Variants in ZNF763 observed in about 807,000 individuals in gnomAD.
The protein encoded by ZNF763 is DNA-binding protein.
ZNF763 carries 33 observed loss-of-function variants against 38.0 expected under a neutral mutation model. The observed-to-expected ratio is 0.87, with a 90% confidence interval of 0.66 to 1.16. The LOEUF (loss-of-function observed/expected upper bound fraction) is 1.16, where lower values mean the gene tolerates loss of function less well. Among genes scored for constraint, ZNF763 ranks in the 50% most tolerant of loss-of-function variants. The pLI, the probability that ZNF763 is intolerant of heterozygous loss-of-function variation, is 0.00. For missense variants in ZNF763, 423 were observed against 469.1 expected (o/e 0.90, Z 0.91); for synonymous variants, 155 against 160.1 (o/e 0.97, Z 0.24).
chr19:11,979,842 G>A lies in ZNF763; in HGVS notation c.*733G>A, dbSNP rs574077940. ...GCCTTCAGATCTGCCAAGAACCTTC[G>A]AATTCATGAAAGGACACAAACACAC... On this transcript the variant is annotated 3_prime_UTR_variant, in exon 4 of 4. Coordinates refer to ENST00000358987, the MANE Select transcript of ZNF763 (RefSeq NM_001367172.2). The A allele has an allele frequency of 1.9e-5, 29 of 1,531,004 alleles. No individual in the cohort carries two copies. The highest frequency in any genetic ancestry group is 2.3e-5 in the East Asian group (1 of 43,982). The allele number at this position is 1,531,004 out of a possible 1,614,324, so 94.8% of individuals were successfully genotyped here.
At chr19:11,966,923 G>A (rs546670138) in intron 1 of ZNF763, among the ~76,000 whole-genome samples, 1 of 152,258 alleles carries the variant, frequency 6.6e-6, no homozygotes, top group East Asian at 1.9e-4. Context: ...TGGAAGTTAA[G>A]TTCTGGCTTT....
intron 1 of ZNF763, among the ~76,000 whole-genome samples, chr19:11,967,762 T>C (rs1300729670): frequency 6.6e-5 from 10 of 151,828 alleles, no homozygotes; most frequent in African/African-American, 2.4e-4. Flanking sequence ...TGTTACAGAG[T>C]AGGGCATCCT....
chr19:11,970,173 G>A (rs1425939550), intron 1 of ZNF763, among the ~76,000 whole-genome samples: 2 of 152,158 alleles, frequency 1.3e-5, no homozygotes, highest in Non-Finnish European at 2.9e-5. Flanking sequence ...TCTGCCAATC[G>A]GATGTTGCTA....
rs754874330 is a variant in ZNF763, at chr19:11,978,459, A to T, written c.535A>T (p.Lys179Ter). Reference sequence around the variant, plus strand: ...ACCCTATGCTTGTAAAGAATGTGGAAAAACCTTTATTTCCCATTCAGGCAT... The same window carrying T: ...ACCCTATGCTTGTAAAGAATGTGGATAAACCTTTATTTCCCATTCAGGCAT... ...EKPYACKECG[K>*]TFISHSGIRR... is the part of the protein sequence containing the mutation. Residue 179 changes from lysine (K) to a stop codon, truncating the protein, a stop_gained, in exon 4 of 4, where the codon AAA (lysine) becomes TAA (stop). Transcript: ENST00000358987. LOFTEE classifies it high-confidence loss of function. 1 of 1,614,228 alleles carries T rather than the reference A, an allele frequency of 6.2e-7. No homozygotes were observed. Among genetic ancestry groups the T allele is most frequent in the South Asian group, 1.1e-5 (1 of 91,086 alleles).
At position 11,965,073 on chromosome 19, in the gene ZNF763, T is replaced by G; in HGVS notation, c.-136T>G. ...ACCTTTGTCCTTGCGCAGCCGGTGG[T>G]TGATATCCGCTGTATCCATCCCCGA... is the stretch of plus-strand genomic sequence containing the variant. On this transcript the variant is annotated 5_prime_UTR_variant, in exon 1 of 4. Transcript: ENST00000358987. 1 of 1,137,870 alleles carries G rather than the reference T, an allele frequency of 8.8e-7. No individual in the cohort carries two copies. The highest frequency in any genetic ancestry group is 1.3e-6 in the Non-Finnish European group (1 of 770,796). 70.5% of individuals were successfully genotyped at this position (1,137,870 alleles called of 1,614,324 possible). A position where few individuals can be genotyped will look rare whatever the true frequency, so the allele number is the denominator to read the frequency against.
chr19:11,970,499 G>T (rs955816631), intron 1 of ZNF763, among the ~76,000 whole-genome samples: 1 of 152,198 alleles, frequency 6.6e-6, no homozygotes. Flanking sequence ...GGTAACTCTA[G>T]AATTAATTAA....
intron 1 of ZNF763, among the ~76,000 whole-genome samples, chr19:11,974,742 A>G (rs1435799138): frequency 6.6e-6 from 1 of 152,098 alleles, no homozygotes; most frequent in Admixed American, 6.5e-5. Context: ...AACTGGGACT[A>G]CAGGCACATG....
In ZNF763 at chr19:11,979,084, A is replaced by G; in HGVS notation, c.1160A>G (p.Asn387Ser). Residue 387 changes from asparagine to serine, a missense_variant, in exon 4 of 4, where the codon AAT (asparagine) becomes AGT (serine). Physicochemically the swap from Asn to Ser is conservative, Grantham distance 46. Transcript: ENST00000358987. ...LSYKFSNTPK[N>S]ALWRKTL ...TATAAGTTTTCAAACACACCTAAGA[A>G]TGCGCTCTGGAGAAAGACCTTATAA... is the stretch of plus-strand genomic sequence containing the variant. 3.1e-6 allele frequency: 5 copies of G among 1,614,120 alleles called. No homozygotes were observed. The highest frequency in any genetic ancestry group is 1.7e-5 in the Admixed American group (1 of 60,000).
chr19:11,966,533 C>T (rs944664997), intron 1 of ZNF763, among the ~76,000 whole-genome samples: 1 of 152,108 alleles, frequency 6.6e-6, no homozygotes, highest in African/African-American at 2.4e-5. Context: ...ACCACCATGC[C>T]TGGCTAATTT....
At chr19:11,970,470 A>G (rs538560208) in intron 1 of ZNF763, among the ~76,000 whole-genome samples, 1 of 152,382 alleles carries the variant, frequency 6.6e-6, no homozygotes, top group South Asian at 2.1e-4. Context: ...ACATATAAAT[A>G]AAAGAATTCA....
chr19:11,977,078 A>G lies in ZNF763; in HGVS notation c.44A>G (p.Gln15Arg), dbSNP rs753254862. The G allele has an allele frequency of 4.5e-5, 72 of 1,614,050 alleles. No homozygotes were observed. The highest frequency in any genetic ancestry group is 5.8e-5 in the Non-Finnish European group (68 of 1,180,032). Residue 15 changes from glutamine to arginine, a missense_variant, in exon 2 of 4, where the codon CAG becomes CGG. By Grantham distance (43) the Gln-to-Arg change is conservative (BLOSUM62 1). Transcript: ENST00000358987. Reference protein sequence around the residue: ...ACEDVAVNFTQEEWALLDISQ... With the variant: ...ACEDVAVNFTREEWALLDISQ... ...GAGGATGTTGCTGTGAACTTCACCC[A>G]GGAGGAGTGGGCTTTGCTGGATATT...
At chr19:11,974,445 C>T (rs1973440326) in intron 1 of ZNF763, among the ~76,000 whole-genome samples, 1 of 151,888 alleles carries the variant, frequency 6.6e-6, no homozygotes, top group African/African-American at 2.4e-5. Flanking sequence ...GATCCACCCG[C>T]CTTGGCCTCC....
At chr19:11,972,566 C>T (rs1973373668) in intron 1 of ZNF763, among the ~76,000 whole-genome samples, 1 of 151,998 alleles carries the variant, frequency 6.6e-6, no homozygotes, top group African/African-American at 2.4e-5. Context: ...GGTATGCATC[C>T]CCATCAGTAT....
chr19:11,978,644 T>C lies in ZNF763; in HGVS notation c.720T>C (p.Ser240=). 1 of 1,613,940 alleles carries C rather than the reference T, an allele frequency of 6.2e-7. No homozygotes were observed. Among genetic ancestry groups the C allele is most frequent in the Non-Finnish European group, 8.5e-7 (1 of 1,179,942 alleles). The change falls in exon 4 of 4, where the codon TCT becomes TCC. Residue 240 remains serine, a synonymous_variant. Coordinates refer to ENST00000358987, the MANE Select transcript of ZNF763 (RefSeq NM_001367172.2). Reference sequence around the variant, plus strand: ...AATGTGTTAAATCCTTTAGTTATTCTGCTACCCATCGAATACATGAAAGAA... The same window carrying C: ...AATGTGTTAAATCCTTTAGTTATTCCGCTACCCATCGAATACATGAAAGAA... ...CKQCVKSFSY[S]ATHRIHERTH... is the part of the protein sequence containing the mutation.
In ZNF763 at chr19:11,979,168, A is replaced by G. The variant is rs72988677; in HGVS notation, c.*59A>G. The G allele has an allele frequency of 0.018, 29,102 of 1,611,874 alleles. 315 individuals carry two copies. Among genetic ancestry groups the G allele is most frequent in the African/African-American group, 0.026 (1,960 of 74,602 alleles). ...CAAGTCATTTCGAAGACATGAAAAAACTCACACTGGAGAGAAACCCTATAA... is the reference window on the plus strand; with the variant it reads ...CAAGTCATTTCGAAGACATGAAAAAGCTCACACTGGAGAGAAACCCTATAA... On this transcript the variant is annotated 3_prime_UTR_variant, in exon 4 of 4. Coordinates refer to ENST00000358987, the MANE Select transcript of ZNF763 (RefSeq NM_001367172.2).
rs370834817 is a variant in ZNF763 at position 11,978,327 on chromosome 19, G to C, written c.403G>C (p.Glu135Gln). Residue 135 changes from glutamate (E) to glutamine (Q), a missense_variant, in exon 4 of 4, where the codon GAG becomes CAG. Transcript: ENST00000358987. ...AGGTGACATTGGGCACAAGGCATAC[G>C]AGTATCAGGACTATGCACCAAAGCC... ...IRGDIGHKAY[E>Q]YQDYAPKPYK... 2.0e-5 allele frequency: 33 copies of C among 1,614,094 alleles called. No homozygotes were observed. The African/African-American group carries it at 3.6e-4, about 18-fold the overall frequency.
In ZNF763 at chr19:11,979,510, A is replaced by C. The variant is rs563574492; in HGVS notation, c.*401A>C. ...TTTATTCTCCCACGTCATTTCAAAG[A>C]CATGAAAAAACTCACACTGCAGAGA... On this transcript the variant is annotated 3_prime_UTR_variant, in exon 4 of 4. Transcript: ENST00000358987. 2.8e-5 allele frequency: 45 copies of C among 1,601,858 alleles called. No homozygotes were observed. The African/African-American group carries it at 5.3e-4, about 19-fold the overall frequency.
rs192559998 is a variant in ZNF763 at position 11,979,220 on chromosome 19, A to G, written c.*111A>G. 13 of 1,610,210 alleles carry G rather than the reference A, an allele frequency of 8.1e-6. No individual in the cohort carries two copies. The African/African-American group carries it at 8.1e-5, about 10-fold the overall frequency. On this transcript the variant is annotated 3_prime_UTR_variant, in exon 4 of 4. Transcript: ENST00000358987. Reference sequence around the variant, plus strand: ...TGCATGCCATGTGGTAAAGCCTTCAATCTTTCCAGTTCCTTTCAGTATCAT... The same window carrying G: ...TGCATGCCATGTGGTAAAGCCTTCAGTCTTTCCAGTTCCTTTCAGTATCAT...
chr19:11,974,073 C>T (rs1319114133), intron 1 of ZNF763, among the ~76,000 whole-genome samples: 4 of 62,032 alleles, frequency 6.4e-5, no homozygotes, highest in African/African-American at 2.2e-4. Context: ...TCTTTCTTTT[C>T]TTTCTTTCTT....
Sources: allele counts gnomAD v4.1 joint callset (sites outside exome capture counted in the v4.1 genomes callset), GRCh38; gene constraint gnomAD v4.1.1; transcripts MANE v1.5; gene names NCBI Gene and HGNC (gene_info 2026-07-23, HGNC 2026-07-21).